PPP1R9A: variants seen among roughly 807,000 people sequenced by gnomAD.
PPP1R9A encodes the protein neurabin-1.
A neutral mutation model predicts 141.9 loss-of-function variants in PPP1R9A; 59 were observed. The observed-to-expected ratio is 0.42, with a 90% CI of 0.34 to 0.52. PPP1R9A has a LOEUF of 0.52. Ranked by LOEUF, PPP1R9A falls within the 20% of genes least tolerant of loss-of-function variation. The probability of loss-of-function intolerance (pLI) is 0.10; values close to 1 mark genes in which losing one functional copy is unlikely to be tolerated. For synonymous variants in PPP1R9A, 500 were observed against 569.7 expected (o/e 0.88, Z 1.74); for missense variants, 1,444 against 1,611.9 (o/e 0.90, Z 1.78).
chr7:95,086,549 A>C (rs751712028), intron 2 of PPP1R9A, among the ~76,000 whole-genome samples: 2 of 152,012 alleles, frequency 1.3e-5, no homozygotes, highest in Non-Finnish European at 2.9e-5. Flanking sequence ...ACAGCTATAG[A>C]GTTTGTTGAT....
At chr7:94,955,171 A>C (rs1042662069) in intron 2 of PPP1R9A, among the ~76,000 whole-genome samples, 1 of 151,954 alleles carries the variant, frequency 6.6e-6, no homozygotes, top group Non-Finnish European at 1.5e-5. Context: ...ACATCTTTTA[A>C]TAAAGGATTA....
intron 2 of PPP1R9A, among the ~76,000 whole-genome samples, chr7:94,961,525 A>C (rs888826857): frequency 3.6e-4 from 55 of 151,924 alleles, no homozygotes; most frequent in African/African-American, 1.3e-3. Context: ...TTATATGTAT[A>C]AAATTGGATA....
chr7:94,989,461 G>C (rs1477042567), intron 2 of PPP1R9A, among the ~76,000 whole-genome samples: 1 of 152,102 alleles, frequency 6.6e-6, no homozygotes, highest in Non-Finnish European at 1.5e-5. Flanking sequence ...CTCCAGACTA[G>C]AATAATTTAC....
At position 95,288,639 on chromosome 7, in the gene PPP1R9A, T is replaced by C. The variant is rs546458929; in HGVS notation, c.3833T>C (p.Leu1278Pro). 1 of 1,614,154 alleles carries C rather than the reference T, an allele frequency of 6.2e-7. No individual in the cohort carries two copies. Among genetic ancestry groups the C allele is most frequent in the East Asian group, 2.2e-5 (1 of 44,878 alleles). ...QVSHWLMSLN[L>P]EQYVSEFSAQ... Reference sequence around the variant, plus strand: ...TCTCACTGGTTAATGAGCCTAAATCTGGAGCAGTATGTATCTGAATTCAGT... The same window carrying C: ...TCTCACTGGTTAATGAGCCTAAATCCGGAGCAGTATGTATCTGAATTCAGT... Residue 1278 changes from leucine to proline, a missense_variant, in exon 19 of 20, where the codon CTG becomes CCG. By Grantham distance (98) the Leu-to-Pro change is moderately conservative. Around this residue, in one of 5 missense-constraint regions of PPP1R9A, gnomAD observed 459 missense variants for 513.8 expected, o/e 0.89. Coordinates refer to ENST00000433360, the MANE Select transcript of PPP1R9A (RefSeq NM_001166160.2).
intron 8 of PPP1R9A, among the ~76,000 whole-genome samples, chr7:95,237,080 TAAAC>T (rs953071518): frequency 6.6e-6 from 1 of 151,350 alleles, no homozygotes; most frequent in Admixed American, 6.6e-5. Flanking sequence ...GCTTGATACA[TAAAC>T]AGTTTTTATT....
At chr7:95,202,513 T>C in intron 6 of PPP1R9A, 1 of 557,766 alleles carries the variant, frequency 1.8e-6, no homozygotes, top group Non-Finnish European at 2.3e-6. Context: ...AATCGAAGTA[T>C]TGATCACTTG....
chr7:95,007,142 G>A (rs1336423923), intron 2 of PPP1R9A, among the ~76,000 whole-genome samples: 4 of 152,178 alleles, frequency 2.6e-5, no homozygotes, highest in Non-Finnish European at 5.9e-5. Flanking sequence ...GATTACAGGC[G>A]TGAGCCATCG....
chr7:95,112,842 T>C (rs1007246089), intron 3 of PPP1R9A, among the ~76,000 whole-genome samples: 3 of 152,142 alleles, frequency 2.0e-5, no homozygotes, highest in Non-Finnish European at 2.9e-5. Context: ...ATTTGCTGCA[T>C]GTTCTCACTT....
At chr7:95,007,376 C>G (rs912423517) in intron 2 of PPP1R9A, among the ~76,000 whole-genome samples, 6 of 152,134 alleles carry the variant, frequency 3.9e-5, no homozygotes, top group Admixed American at 1.3e-4. Flanking sequence ...ACCTCCTCGC[C>G]CAATTTGTGA....
intron 2 of PPP1R9A, among the ~76,000 whole-genome samples, chr7:94,943,724 CA>C (rs1795584134): frequency 6.6e-6 from 1 of 152,052 alleles, no homozygotes; most frequent in Non-Finnish European, 1.5e-5. Context: ...GTTTCAGATA[CA>C]AAACTAGGTC....
rs777495865 is a variant in PPP1R9A at position 95,268,554 on chromosome 7, G to T, written c.2670G>T (p.Leu890Phe). 1.2e-6 allele frequency: 2 copies of T among 1,612,988 alleles called. No individual in the cohort carries two copies. Among genetic ancestry groups the T allele is most frequent in the African/African-American group, 1.3e-5 (1 of 74,950 alleles). The change falls in exon 13 of 20, where the codon TTG (leucine) becomes TTT (phenylalanine). Residue 890 changes from leucine to phenylalanine, a missense_variant. Leu to Phe is a conservative substitution (Grantham distance 22, BLOSUM62 0). Transcript: ENST00000433360. ...TSCQDGLSQD[L>F]NEAVPETERL... ...ATTATCTTTCAATATTCTTAGACTT[G>T]AATGAAGCAGTCCCAGAGACAGAGC...
At chr7:95,046,508 G>A (rs934015746) in intron 2 of PPP1R9A, among the ~76,000 whole-genome samples, 3 of 152,166 alleles carry the variant, frequency 2.0e-5, no homozygotes, top group African/African-American at 4.8e-5. Context: ...TTGATAACAC[G>A]GAATTGTGGA....
At chr7:95,159,940 A>AAG (rs2152704695) in intron 4 of PPP1R9A, among the ~76,000 whole-genome samples, 2 of 76,578 alleles carry the variant, frequency 2.6e-5, no homozygotes, top group South Asian at 1.4e-3. Flanking sequence ...AAAAAAAAAA[A>AAG]AAGAAAGAAA....
At chr7:95,124,530 T>A (rs1396963592) in intron 4 of PPP1R9A, among the ~76,000 whole-genome samples, 3 of 152,190 alleles carry the variant, frequency 2.0e-5, no homozygotes, top group African/African-American at 7.2e-5. Flanking sequence ...CACTTGTGTA[T>A]AGTTTCTGAA....
chr7:95,144,296 T>C (rs1827209133), intron 4 of PPP1R9A, among the ~76,000 whole-genome samples: 1 of 152,214 alleles, frequency 6.6e-6, no homozygotes, highest in Non-Finnish European at 1.5e-5. Context: ...TCCAGATTCA[T>C]CCATGTTATT....
chr7:95,248,542 A>T (rs936537292), intron 9 of PPP1R9A, among the ~76,000 whole-genome samples: 17 of 152,192 alleles, frequency 1.1e-4, no homozygotes, highest in African/African-American at 4.1e-4. Flanking sequence ...GCTTAATAAA[A>T]GATGCAGTAA....
chr7:95,208,846 A>G (rs1249970682), intron 7 of PPP1R9A, among the ~76,000 whole-genome samples: 6 of 152,000 alleles, frequency 3.9e-5, no homozygotes, highest in African/African-American at 1.4e-4. Context: ...AAGATAAACC[A>G]TACGCTGGAG....
chr7:95,181,384 A>G (rs1365482497), intron 5 of PPP1R9A, among the ~76,000 whole-genome samples: 1 of 138,670 alleles, frequency 7.2e-6, no homozygotes, highest in Admixed American at 7.6e-5. Context: ...ATATAGAGAG[A>G]ATAGAGAGAA....
chr7:94,926,322 T>C (rs1357255387), intron 2 of PPP1R9A, among the ~76,000 whole-genome samples: 1 of 152,164 alleles, frequency 6.6e-6, no homozygotes, highest in African/African-American at 2.4e-5. Flanking sequence ...TGACAGTTCA[T>C]AAGTAACCAC....
Sources: gnomAD v4.1 joint callset for allele counts (sites outside exome capture counted in the v4.1 genomes callset) on GRCh38, gnomAD v4.1.1 for gene constraint, gnomAD v4.1.1 regional missense constraint, MANE v1.5 for transcripts, NCBI Gene and HGNC (gene_info 2026-07-23, HGNC 2026-07-21) for gene names.